The following NLRP6 variants were observed in gnomAD, a reference collection of about 807,000 sequenced individuals.
The protein encoded by NLRP6 is NACHT, LRR and PYD domains-containing protein 6.
Under a neutral mutation model 70.9 loss-of-function variants are expected in NLRP6, and 55 were observed. That is an observed-to-expected ratio of 0.78 (90% CI 0.62 to 0.97). The LOEUF (loss-of-function observed/expected upper bound fraction) is 0.97. Ranked by LOEUF, NLRP6 falls within the 50% of genes least tolerant of loss-of-function variation. NLRP6 has a pLI of 0.00. For synonymous variants in NLRP6, 652 were observed against 581.9 expected (o/e 1.12, Z -1.73); for missense variants, 1,241 against 1,238.3 (o/e 1.00, Z -0.03).
rs560670092 is a variant in NLRP6 at position 278,463 on chromosome 11, G to A, written c.-107G>A. ...GGTGTGTGGACCCGGGGAATGGACC[G>A]GGCTGGACAACCTCTAAGACTTGGC... On this transcript the variant is annotated 5_prime_UTR_variant, in exon 1 of 8. Transcript: ENST00000534750. This position sits in a 1 kb window ranked among gnomAD's most constrained non-coding sequence, Gnocchi z 4.7. 3.3e-5 allele frequency: 31 copies of A among 929,776 alleles called. No homozygotes were observed. The highest frequency in any genetic ancestry group is 1.6e-4 in the African/African-American group (9 of 58,042). The allele number at this position is 929,776 out of a possible 1,614,324, so 57.6% of individuals were successfully genotyped here. A position where few individuals can be genotyped will look rare whatever the true frequency, so the allele number is the denominator to read the frequency against.
Position 280,679 on chromosome 11 carries a change from G to T in NLRP6, c.945G>T (p.Ala315=). 1 of 1,556,070 alleles carries T rather than the reference G, an allele frequency of 6.4e-7. No homozygotes were observed. Among genetic ancestry groups the T allele is most frequent in the East Asian group, 2.3e-5 (1 of 43,148 alleles). ...ARVLGGLLSK[A]LLPTALLLVT... is the part of the protein sequence containing the mutation. ...TGCTAGGCGGGCTGCTGAGCAAGGCGCTGCTGCCCACGGCCCTCCTGCTGG... is the reference window on the plus strand; with the variant it reads ...TGCTAGGCGGGCTGCTGAGCAAGGCTCTGCTGCCCACGGCCCTCCTGCTGG... Residue 315 remains alanine (A), a synonymous_variant, in exon 4 of 8, where the codon GCG becomes GCT. Coordinates refer to ENST00000534750, the MANE Select transcript of NLRP6 (RefSeq NM_001276700.2).
rs980050156 is a variant in NLRP6, at chr11:283,778, G to A, written c.2199-452G>A. Among the ~76,000 whole-genome samples the A allele has an allele frequency of 3.9e-5, 6 of 151,922 alleles. No individual in the cohort carries two copies. The East Asian group carries it at 5.8e-4, about 15-fold the overall frequency. On this transcript the variant is annotated intron_variant, in intron 5 of 7. Transcript: ENST00000534750. ...GCTTGATATGGGGGTGGGGGATTTGGCAATCTGGAGATAAACATAAGAACC... is the reference window on the plus strand; with the variant it reads ...GCTTGATATGGGGGTGGGGGATTTGACAATCTGGAGATAAACATAAGAACC...
At chr11:284,146 C>T (rs921654385) in intron 5 of NLRP6, 84 bp from the exon 6 acceptor site, 26 of 1,285,800 alleles carry the variant, frequency 2.0e-5, no homozygotes, top group Non-Finnish European at 2.8e-5. Flanking sequence ...CCCTGGGCCA[C>T]CGGGCAGCGG....
chr11:279,319 G>C lies in NLRP6; in HGVS notation c.30-8G>C. 1 of 1,093,966 alleles carries C rather than the reference G, an allele frequency of 9.1e-7. No homozygotes were observed. Among genetic ancestry groups the C allele is most frequent in the Non-Finnish European group, 1.1e-6 (1 of 895,194 alleles). The allele number at this position is 1,093,966 out of a possible 1,614,324, so 67.8% of individuals were successfully genotyped here. On this transcript the variant is annotated splice_region_variant and splice_polypyrimidine_tract_variant and intron_variant, in intron 1 of 7. Coordinates refer to ENST00000534750, the MANE Select transcript of NLRP6 (RefSeq NM_001276700.2). ...GCTCCCCGATGACCCGCGCCCGCCC[G>C]CCTCCAGCACGGGGCCGCGCCTCGC...
chr11:284,978 T>G (rs1362218383), intron 7 of NLRP6, among the ~76,000 whole-genome samples, 188 bp from the exon 8 acceptor site: 1 of 151,378 alleles, frequency 6.6e-6, no homozygotes, highest in Non-Finnish European at 1.5e-5. Flanking sequence ...ACCTCTCAAC[T>G]GACACCACCT....
Position 278,843 on chromosome 11 carries a change from C to T in NLRP6, c.29+245C>T, listed in dbSNP as rs1198790145. Among the ~76,000 whole-genome samples the T allele has an allele frequency of 6.6e-6, 1 of 152,200 alleles. No individual in the cohort carries two copies. The highest frequency in any genetic ancestry group is 1.5e-5 in the Non-Finnish European group (1 of 68,020). On this transcript the variant is annotated intron_variant, in intron 1 of 7. Coordinates refer to ENST00000534750, the MANE Select transcript of NLRP6 (RefSeq NM_001276700.2). The surrounding 1 kb of genome is among the most constrained non-coding windows in gnomAD (Gnocchi z 4.7). ...CAAGCTGGGCCCCACCAAAGTGTGG[C>T]AGGGGTGGGGGCCCAGGAATACAGC...
In NLRP6 at chr11:282,590, G is replaced by C. The variant is rs1845494167; in HGVS notation, c.2106-115G>C. Reference sequence around the variant, plus strand: ...GAGTGTGAAGGGGGTGGCTCAGCAAGGAGGTGAGGAGGAGGGGCAGCTCTG... The same window carrying C: ...GAGTGTGAAGGGGGTGGCTCAGCAACGAGGTGAGGAGGAGGGGCAGCTCTG... On this transcript the variant is annotated intron_variant, in intron 4 of 7. Coordinates refer to ENST00000534750, the MANE Select transcript of NLRP6 (RefSeq NM_001276700.2). 4.9e-6 allele frequency: 4 copies of C among 809,866 alleles called. No individual in the cohort carries two copies. The Admixed American group carries it at 7.4e-5, about 15-fold the overall frequency. 50.2% of individuals were successfully genotyped at this position (809,866 alleles called of 1,614,324 possible).
Position 284,313 on chromosome 11 carries a change from G to A in NLRP6, c.2282G>A (p.Gly761Asp), listed in dbSNP as rs774683376. ...GCAGCCCCCGCACTGACGGAGCTGG[G>A]CCTCCTCCACAACAGGCTCAGTGAG... ...LRAAPALTELGLLHNRLSEAG... is the reference protein window; with the variant it reads ...LRAAPALTELDLLHNRLSEAG... The change falls in exon 6 of 8, where the codon GGC (glycine) becomes GAC (aspartate). Residue 761 changes from glycine to aspartate, a missense_variant. Gly to Asp is a moderately conservative substitution (Grantham distance 94). Coordinates refer to ENST00000534750, the MANE Select transcript of NLRP6 (RefSeq NM_001276700.2). 6.2e-6 allele frequency: 10 copies of A among 1,612,278 alleles called. No homozygotes were observed. In the Admixed American group the frequency reaches 1.0e-4, roughly 16 times the overall value.
In NLRP6 at chr11:280,372, A is replaced by G. The variant is rs766791008; in HGVS notation, c.638A>G (p.Lys213Arg). Residue 213 changes from lysine to arginine, a missense_variant, in exon 4 of 8, where the codon AAA (lysine) becomes AGA (arginine). Coordinates refer to ENST00000534750, the MANE Select transcript of NLRP6 (RefSeq NM_001276700.2). ...GGCATCGGCAAGACCATGGCGGCCA[A>G]AAAGATCCTGTACGACTGGGCGGCG... ...PAGIGKTMAA[K>R]KILYDWAAGK... 1.9e-6 allele frequency: 3 copies of G among 1,547,002 alleles called. No individual in the cohort carries two copies. Among genetic ancestry groups the G allele is most frequent in the African/African-American group, 1.4e-5 (1 of 72,554 alleles).
At position 279,840 on chromosome 11, in the gene NLRP6, G is replaced by T; in HGVS notation, c.317G>T (p.Gly106Val). 6.3e-7 allele frequency: 1 copy of T among 1,575,086 alleles called. No individual in the cohort carries two copies. The highest frequency in any genetic ancestry group is 8.6e-7 in the Non-Finnish European group (1 of 1,164,354). Residue 106 changes from glycine to valine, a missense_variant, in exon 3 of 8, where the codon GGG (glycine) becomes GTG (valine). Coordinates refer to ENST00000534750, the MANE Select transcript of NLRP6 (RefSeq NM_001276700.2). ...QLQERRLQRL[G>V]LGSGTLLSVS... ...ACCCCAGTTTCCCTTCCAGGGCTCG[G>T]GCTCGGCTCCGGGACGCTGCTCTCC...
chr11:283,517 G>A (rs1294884372), intron 5 of NLRP6, among the ~76,000 whole-genome samples: 1 of 151,938 alleles, frequency 6.6e-6, no homozygotes. Flanking sequence ...GTTTCACCGG[G>A]TTAGCCAGGA....
rs765110010 is a variant in NLRP6 at position 280,784 on chromosome 11, C to A, written c.1050C>A (p.Ser350=). Residue 350 remains serine (S), a synonymous_variant, in exon 4 of 8, where the codon TCC becomes TCA. Transcript: ENST00000534750. ...SPQCAEVRGF[S]DKDKKKYFYK... Reference sequence around the variant, plus strand: ...AGTGCGCCGAGGTGCGCGGCTTCTCCGACAAGGACAAGAAGAAGTATTTCT... The same window carrying A: ...AGTGCGCCGAGGTGCGCGGCTTCTCAGACAAGGACAAGAAGAAGTATTTCT... 2.8e-5 allele frequency: 45 copies of A among 1,612,182 alleles called. No individual in the cohort carries two copies. Among genetic ancestry groups the A allele is most frequent in the Non-Finnish European group, 3.7e-5 (44 of 1,179,578 alleles).
intron 5 of NLRP6, 68 bp downstream of exon 5, chr11:282,865 G>C: frequency 8.6e-7 from 1 of 1,160,184 alleles, no homozygotes; most frequent in Non-Finnish European, 1.3e-6. Context: ...GGCAGAGACG[G>C]AAGTATGACC....
At position 279,876 on chromosome 11, in the gene NLRP6, G is replaced by C. The variant is rs779418574; in HGVS notation, c.349+4G>C. On this transcript the variant is annotated splice_donor_region_variant and intron_variant, in intron 3 of 7. Transcript: ENST00000534750. ...GGGACGCTGCTCTCCGTGTCCGGTG[G>C]GTCTCTCGCTGGGGGGGCACGAGTG... 3 of 1,540,122 alleles carry C rather than the reference G, an allele frequency of 1.9e-6. No homozygotes were observed. The highest frequency in any genetic ancestry group is 2.6e-6 in the Non-Finnish European group (3 of 1,147,360).
Position 278,527 on chromosome 11 carries a change from C to T in NLRP6, c.-43C>T, listed in dbSNP as rs762122475. ...GTGAAGGAATCACCTCTCTGATCCC[C>T]ACCTCTGCCCCGGAGTGCTAGACCC... On this transcript the variant is annotated 5_prime_UTR_variant, in exon 1 of 8. Transcript: ENST00000534750. This position sits in a 1 kb window ranked among gnomAD's most constrained non-coding sequence, Gnocchi z 4.7. The T allele has an allele frequency of 6.7e-7, 1 of 1,482,196 alleles. No homozygotes were observed. Among genetic ancestry groups the T allele is most frequent in the South Asian group, 1.4e-5 (1 of 73,068 alleles). 91.8% of individuals were successfully genotyped at this position (1,482,196 alleles called of 1,614,324 possible). A position where few individuals can be genotyped will look rare whatever the true frequency, so the allele number is the denominator to read the frequency against.
At chr11:279,126 G>A in intron 1 of NLRP6, 1 of 433,472 alleles carries the variant, frequency 2.3e-6, no homozygotes, top group Non-Finnish European at 3.8e-6. Flanking sequence ...AAGACGCCCC[G>A]ACCCGGGTCC....
chr11:280,547 G>C lies in NLRP6; in HGVS notation c.813G>C (p.Pro271=). 1 of 1,534,962 alleles carries C rather than the reference G, an allele frequency of 6.5e-7. No individual in the cohort carries two copies. The highest frequency in any genetic ancestry group is 8.7e-7 in the Non-Finnish European group (1 of 1,153,040). The change falls in exon 4 of 8, where the codon CCG becomes CCC. Residue 271 remains proline, a synonymous_variant. Coordinates refer to ENST00000534750, the MANE Select transcript of NLRP6 (RefSeq NM_001276700.2). The part of the protein sequence containing the change: ...GAPVPQMLAQ[P]QRLLFILDGA... ...CGGTGCCGCAGATGCTGGCCCAGCC[G>C]CAGCGGCTGCTCTTCATCCTGGACG...
intron 5 of NLRP6, among the ~76,000 whole-genome samples, chr11:283,873 A>G (rs1284727935): frequency 6.6e-6 from 1 of 150,788 alleles, no homozygotes; most frequent in African/African-American, 2.4e-5. Context: ...CATTATTTAT[A>G]ATGGAAAAAA....
At position 280,504 on chromosome 11, in the gene NLRP6, G is replaced by T; in HGVS notation, c.770G>T (p.Cys257Phe). ...CTGGCTGACCTGATCCTGGACCAGT[G>T]CCCCGACCGCGGCGCGCCGGTGCCG... The part of the protein sequence containing the change: ...RSLADLILDQ[C>F]PDRGAPVPQM... Residue 257 changes from cysteine to phenylalanine, a missense_variant, in exon 4 of 8, where the codon TGC (cysteine) becomes TTC (phenylalanine). Transcript: ENST00000534750. The T allele has an allele frequency of 6.3e-7, 1 of 1,576,934 alleles. No individual in the cohort carries two copies.
Sources: gnomAD v4.1 joint callset for allele counts (sites outside exome capture counted in the v4.1 genomes callset) on GRCh38, gnomAD v4.1.1 for gene constraint, Gnocchi (gnomAD v3.1) non-coding constraint, MANE v1.5 for transcripts, NCBI Gene and HGNC (gene_info 2026-07-23, HGNC 2026-07-21) for gene names.